The following MUC5AC variants were observed in gnomAD, a reference collection of about 807,000 sequenced individuals.
The protein encoded by MUC5AC is mucin 5AC, oligomeric mucus/gel-forming, also known as mucin-5AC.
In MUC5AC, 158 loss-of-function variants were observed where a neutral mutation model predicts 169.7. The ratio of observed to expected loss-of-function variants is 0.93; its 90% CI spans 0.82 to 1.06. The LOEUF (loss-of-function observed/expected upper bound fraction) is 1.06, where lower values mean the gene tolerates loss of function less well. Ranked by LOEUF, MUC5AC falls within the 50% of genes least tolerant of loss-of-function variation. The pLI, the probability that MUC5AC is intolerant of heterozygous loss-of-function variation, is 0.00. For missense variants in MUC5AC, 4,359 were observed against 3,089.9 expected (o/e 1.41, Z -9.74); for synonymous variants, 1,975 against 1,237.0 (o/e 1.60, Z -12.52).
chr11:1,161,450 G>C, intron 2 of MUC5AC, 77 bp from the exon 3 acceptor site: 1 of 1,257,662 alleles, frequency 8.0e-7, no homozygotes, highest in South Asian at 1.6e-5. Context: ...TGCTGACTCT[G>C]GAACGTCTCC....
rs1861406043 is a variant in MUC5AC at position 1,200,684 on chromosome 11, A to G, written c.16947A>G (p.Pro5649=). Residue 5649 remains proline, a synonymous_variant, in exon 49 of 49, where the codon CCA becomes CCG. Coordinates refer to ENST00000621226, the MANE Select transcript of MUC5AC (RefSeq NM_001304359.2). ...GTGGGAGCTGGGAGAGAGGCGTCCC[A>G]GTGTCCCCCATGCACTGACCAGCAC... is the stretch of plus-strand genomic sequence containing the variant. ...AESGSWERGV[P]VSPMH 1.3e-6 allele frequency: 1 copy of G among 759,400 alleles called. No homozygotes were observed. 47.0% of individuals were successfully genotyped at this position (759,400 alleles called of 1,614,324 possible).
At position 1,161,390 on chromosome 11, in the gene MUC5AC, C is replaced by G. The variant is rs1373659837; in HGVS notation, c.152-137C>G. 19 of 602,758 alleles carry G rather than the reference C, an allele frequency of 3.2e-5. No individual in the cohort carries two copies. The Admixed American group carries it at 6.1e-4, about 19-fold the overall frequency. The allele number at this position is 602,758 out of a possible 1,614,324, so 37.3% of individuals were successfully genotyped here. A position where few individuals can be genotyped will look rare whatever the true frequency, so the allele number is the denominator to read the frequency against. On this transcript the variant is annotated intron_variant, in intron 2 of 48. Coordinates refer to ENST00000621226, the MANE Select transcript of MUC5AC (RefSeq NM_001304359.2). ...AGATGGTGGGTGGGTGGGAGGGGGC[C>G]CAACACGCAGCAGAATCCGGAGTTG...
At chr11:1,172,263 G>A (rs956308823) in intron 15 of MUC5AC, among the ~76,000 whole-genome samples, 166 bp from the exon 16 acceptor site, 9 of 152,216 alleles carry the variant, frequency 5.9e-5, no homozygotes, top group Admixed American at 2.6e-4. Context: ...GCTTTTCCTC[G>A]GGGAGGGCGC....
At position 1,201,056 on chromosome 11, in the gene MUC5AC, A is replaced by G; in HGVS notation, c.*354A>G. The G allele has an allele frequency of 4.6e-6, 1 of 219,490 alleles. No homozygotes were observed. Among genetic ancestry groups the G allele is most frequent in the Non-Finnish European group, 9.0e-6 (1 of 111,464 alleles). The allele number at this position is 219,490 out of a possible 1,614,324, so 13.6% of individuals were successfully genotyped here. ...TGGTGGCTGCAGGAGGAAGAACCTC[A>G]CTCCTACCTCAGCCCTCAGCCTGCG... On this transcript the variant is annotated 3_prime_UTR_variant, in exon 49 of 49. Transcript: ENST00000621226.
In MUC5AC at chr11:1,181,315, G is replaced by A. The variant is rs1335179223; in HGVS notation, c.3865G>A (p.Val1289Ile). The change falls in exon 30 of 49, where the codon GTC becomes ATC. Residue 1289 changes from valine to isoleucine, a missense_variant. By Grantham distance (29) the Val-to-Ile change is conservative. Transcript: ENST00000621226. The part of the protein sequence containing the change: ...YNGQRFHPGD[V>I]IYHTTDGTGG... ...TGGACAGCGCTTCCACCCAGGGGAC[G>A]TCATCTACCACACGACGGATGGCAC... The A allele has an allele frequency of 1.8e-5, 7 of 398,610 alleles. No individual in the cohort carries two copies. The East Asian group carries it at 1.8e-4, about 10-fold the overall frequency. The allele number at this position is 398,610 out of a possible 1,614,324, so 24.7% of individuals were successfully genotyped here.
intron 37 of MUC5AC, 58 bp from the exon 38 acceptor site, chr11:1,196,330 G>C: frequency 1.3e-6 from 1 of 757,876 alleles, no homozygotes; most frequent in East Asian, 2.4e-5. Flanking sequence ...CCAGCGGCCC[G>C]CGTTGCTCTG....
rs1375236234 is a variant in MUC5AC at position 1,196,494 on chromosome 11, G to A, written c.15725+19G>A. On this transcript the variant is annotated intron_variant, in intron 38 of 48. Transcript: ENST00000621226. Reference sequence around the variant, plus strand: ...GCCTCGGGTAGGCACCCTCCCTCCTGGCCCTGCCATGGGCTGCTGGAGCCA... The same window carrying A: ...GCCTCGGGTAGGCACCCTCCCTCCTAGCCCTGCCATGGGCTGCTGGAGCCA... 6 of 764,800 alleles carry A rather than the reference G, an allele frequency of 7.8e-6. No homozygotes were observed. The highest frequency in any genetic ancestry group is 1.7e-5 in the Admixed American group (1 of 58,998). The allele number at this position is 764,800 out of a possible 1,614,324, so 47.4% of individuals were successfully genotyped here. A position where few individuals can be genotyped will look rare whatever the true frequency, so the allele number is the denominator to read the frequency against.
Position 1,168,884 on chromosome 11 carries a change from C to A in MUC5AC, c.1728C>A (p.Ser576Arg). The change falls in exon 15 of 49, where the codon AGC becomes AGA. Residue 576 changes from serine to arginine, a missense_variant. Coordinates refer to ENST00000621226, the MANE Select transcript of MUC5AC (RefSeq NM_001304359.2). Reference protein sequence around the residue: ...QTCGLCGNFNSIQADDFRTLS... With the variant: ...QTCGLCGNFNRIQADDFRTLS... ...CAGGTCTCTGTGGGAACTTCAACAG[C>A]ATCCAGGCCGATGACTTCCGGACCC... is the stretch of plus-strand genomic sequence containing the variant. The A allele has an allele frequency of 6.2e-7, 1 of 1,603,444 alleles. No individual in the cohort carries two copies.
At position 1,189,584 on chromosome 11, in the gene MUC5AC, C is replaced by G. The variant is rs1253867615; in HGVS notation, c.11439C>G (p.Thr3813=). 6.6e-6 allele frequency: 4 copies of G among 610,570 alleles called. No homozygotes were observed. In the South Asian group the frequency reaches 7.8e-5, roughly 12 times the overall value. 37.8% of individuals were successfully genotyped at this position (610,570 alleles called of 1,614,324 possible). A position where few individuals can be genotyped will look rare whatever the true frequency, so the allele number is the denominator to read the frequency against. Residue 3813 remains threonine (T), a synonymous_variant, in exon 31 of 49, where the codon ACC becomes ACG. Transcript: ENST00000621226. ...PQTSTISSPT[T]STTSTPQTST... is the part of the protein sequence containing the mutation. ...CCAGCACAATCTCTTCCCCTACAAC[C>G]AGCACAACCTCCACTCCGCAGACCA... is the stretch of plus-strand genomic sequence containing the variant.
rs777824978 is a variant in MUC5AC, at chr11:1,194,189, C to T, written c.14835C>T (p.Tyr4945=). ...TYYTFLDNCT[Y]VLVQQIVPVY... is the part of the protein sequence containing the mutation. ...ACACCTTCCTGGACAACTGCACGTA[C>T]GTGCTGGTGCAGCAGATTGTGCCCG... Residue 4945 remains tyrosine (Y), a synonymous_variant, in exon 34 of 49, where the codon TAC becomes TAT. Transcript: ENST00000621226. 1.3e-5 allele frequency: 10 copies of T among 765,088 alleles called. No homozygotes were observed. Among genetic ancestry groups the T allele is most frequent in the East Asian group, 2.4e-5 (1 of 41,250 alleles). 47.4% of individuals were successfully genotyped at this position (765,088 alleles called of 1,614,324 possible).
At chr11:1,196,257 G>C in intron 37 of MUC5AC, 131 bp from the exon 38 acceptor site, 1 of 670,548 alleles carries the variant, frequency 1.5e-6, no homozygotes, top group Non-Finnish European at 2.7e-6. Context: ...TGGGGTGTGG[G>C]AGGCCGTAGC....
chr11:1,199,887 A>C lies in MUC5AC; in HGVS notation c.16618A>C (p.Ile5540Leu), dbSNP rs1419334557. 1.3e-6 allele frequency: 1 copy of C among 764,546 alleles called. No homozygotes were observed. Among genetic ancestry groups the C allele is most frequent in the African/African-American group, 1.7e-5 (1 of 59,254 alleles). The allele number at this position is 764,546 out of a possible 1,614,324, so 47.4% of individuals were successfully genotyped here. ...STCAVYHRSL[I>L]IQQQGCSSSE... ...CTGTGCTGTGTACCATAGGAGCCTGATCATCCAGCAGCAGGGCTGCAGCTC... is the reference window on the plus strand; with the variant it reads ...CTGTGCTGTGTACCATAGGAGCCTGCTCATCCAGCAGCAGGGCTGCAGCTC... The change falls in exon 48 of 49, where the codon ATC (isoleucine) becomes CTC (leucine). Residue 5540 changes from isoleucine to leucine, a missense_variant. Coordinates refer to ENST00000621226, the MANE Select transcript of MUC5AC (RefSeq NM_001304359.2).
rs557892615 is a variant in MUC5AC at position 1,198,999 on chromosome 11, G to A, written c.16296+3G>A. ...TCTGCAACACACACTGCCCTGTGGT[G>A]AGCGCTCCCACCCTGCCCCGACCCT... On this transcript the variant is annotated splice_donor_region_variant and intron_variant, in intron 44 of 48. Coordinates refer to ENST00000621226, the MANE Select transcript of MUC5AC (RefSeq NM_001304359.2). 5.8e-5 allele frequency: 44 copies of A among 764,062 alleles called. No individual in the cohort carries two copies. Among genetic ancestry groups the A allele is most frequent in the Non-Finnish European group, 1.0e-4 (42 of 417,562 alleles). 47.3% of individuals were successfully genotyped at this position (764,062 alleles called of 1,614,324 possible). A position where few individuals can be genotyped will look rare whatever the true frequency, so the allele number is the denominator to read the frequency against.
Position 1,186,262 on chromosome 11 carries a change from C to A in MUC5AC, c.8117C>A (p.Thr2706Asn). The A allele has an allele frequency of 1.3e-6, 1 of 744,800 alleles. No individual in the cohort carries two copies. Among genetic ancestry groups the A allele is most frequent in the Non-Finnish European group, 2.5e-6 (1 of 407,714 alleles). The allele number at this position is 744,800 out of a possible 1,614,324, so 46.1% of individuals were successfully genotyped here. ...PGTTPSPVPT[T>N]STTSAPTTST... Reference sequence around the variant, plus strand: ...ACTACTCCCAGCCCTGTTCCCACCACCAGCACAACCTCTGCTCCCACAACA... The same window carrying A: ...ACTACTCCCAGCCCTGTTCCCACCAACAGCACAACCTCTGCTCCCACAACA... Residue 2706 changes from threonine (T) to asparagine (N), a missense_variant, in exon 31 of 49, where the codon ACC (threonine) becomes AAC (asparagine). Coordinates refer to ENST00000621226, the MANE Select transcript of MUC5AC (RefSeq NM_001304359.2).
intron 11 of MUC5AC, 26 bp from the exon 12 acceptor site, chr11:1,167,851 G>T: frequency 6.5e-7 from 1 of 1,540,616 alleles, no homozygotes; most frequent in Non-Finnish European, 8.8e-7. Context: ...GGAGTGTGAG[G>T]ACCCCTGGTG....
rs748463340 is a variant in MUC5AC at position 1,168,950 on chromosome 11, C to T, written c.1794C>T (p.Asn598=). The part of the protein sequence containing the change: ...VVEATAAAFF[N]TFKTQAACPN... The stretch of plus-strand genomic sequence containing the variant: ...AGGCCACCGCTGCGGCCTTCTTCAA[C>T]ACCTTCAAGACCCAGGCCGCCTGCC... Residue 598 remains asparagine, a synonymous_variant, in exon 15 of 49, where the codon AAC becomes AAT. Coordinates refer to ENST00000621226, the MANE Select transcript of MUC5AC (RefSeq NM_001304359.2). The T allele has an allele frequency of 1.2e-6, 2 of 1,611,814 alleles. No homozygotes were observed. The highest frequency in any genetic ancestry group is 1.7e-6 in the Non-Finnish European group (2 of 1,179,386).
rs1229692470 is a variant in MUC5AC at position 1,169,743 on chromosome 11, GCTCA to G, written c.1870+727_1870+730del. ...GACTCAACTATTCACTCACCCATTC[GCTCA>G]CTCACTCACCTCACTCACTCGCCCA... On this transcript the variant is annotated intron_variant, in intron 15 of 48. Transcript: ENST00000621226. Among the ~76,000 whole-genome samples, 17 of 110,836 alleles carry G rather than the reference GCTCA, an allele frequency of 1.5e-4. No homozygotes were observed. In the Admixed American group the frequency reaches 1.6e-3, roughly 10 times the overall value. 72.7% of individuals were successfully genotyped at this position (110,836 alleles called of 152,430 possible).
intron 19 of MUC5AC, among the ~76,000 whole-genome samples, chr11:1,175,727 C>T (rs1860660971): frequency 6.8e-6 from 1 of 146,344 alleles, no homozygotes; most frequent in African/African-American, 2.5e-5. Flanking sequence ...CACACACCCA[C>T]TCATGCACAC....
chr11:1,158,241 T>C (rs570719195), intron 1 of MUC5AC, among the ~76,000 whole-genome samples, 169 bp downstream of exon 1: 48 of 152,338 alleles, frequency 3.2e-4, no homozygotes, highest in Admixed American at 2.4e-3. Context: ...CAGTTTCCCC[T>C]TGTGGGGTTG....
Sources: gnomAD v4.1 joint callset for allele counts (sites outside exome capture counted in the v4.1 genomes callset) on GRCh38, gnomAD v4.1.1 for gene constraint, MANE v1.5 for transcripts, NCBI Gene and HGNC (gene_info 2026-07-23, HGNC 2026-07-21) for gene names.